Variants in NKAIN3 observed in about 807,000 individuals in gnomAD.
NKAIN3 encodes the protein sodium/potassium-transporting ATPase subunit beta-1-interacting protein 3.
In NKAIN3, 25 loss-of-function variants were observed where a neutral mutation model predicts 30.2. The observed-to-expected ratio is 0.83, with a 90% CI of 0.60 to 1.16. The LOEUF is 1.16. NKAIN3 is among the 50% of genes most tolerant of loss of function. The pLI is 0.00. For missense variants in NKAIN3, 225 were observed against 254.1 expected, an observed-to-expected ratio of 0.89 and a Z score of 0.78; for synonymous variants, 91 against 89.6, an observed-to-expected ratio of 1.02 and a Z score of -0.09.
chr8:62,676,631 A>G (rs1195485378), intron 3 of NKAIN3, among the ~76,000 whole-genome samples: 1 of 152,206 alleles, frequency 6.6e-6, no homozygotes, highest in Admixed American at 6.5e-5. Flanking sequence ...TTTAAAAACT[A>G]AAAATATCTC....
intron 1 of NKAIN3, among the ~76,000 whole-genome samples, chr8:62,541,669 A>G (rs913885893): frequency 6.6e-6 from 1 of 151,800 alleles, no homozygotes; most frequent in Admixed American, 6.6e-5. Context: ...TTTGCTTTTA[A>G]TTCTATTTTC....
intron 1 of NKAIN3, among the ~76,000 whole-genome samples, chr8:62,323,151 C>T (rs931216555): frequency 6.6e-6 from 1 of 152,184 alleles, no homozygotes; most frequent in Non-Finnish European, 1.5e-5. Context: ...ATGCTCTTAT[C>T]TTATGACTCA....
intron 5 of NKAIN3, chr8:62,991,094 GAAA>G (rs1824309670): frequency 6.6e-6 from 1 of 152,274 alleles, no homozygotes; most frequent in East Asian, 1.9e-4. Flanking sequence ...CATGAGATGG[GAAA>G]GAGGTGAACA....
At chr8:62,438,957 G>A in intron 1 of NKAIN3, among the ~76,000 whole-genome samples, 1 of 152,176 alleles carries the variant, frequency 6.6e-6, no homozygotes, top group East Asian at 1.9e-4. Context: ...AGCAATGCTG[G>A]TGTTGGGAAA....
chr8:62,414,522 C>T (rs765782074), intron 1 of NKAIN3, among the ~76,000 whole-genome samples: 10 of 152,078 alleles, frequency 6.6e-5, no homozygotes, highest in African/African-American at 1.9e-4. Context: ...GGCGTTAATG[C>T]CGAAGATCTG....
chr8:62,803,114 C>T (rs1478638632), intron 4 of NKAIN3, among the ~76,000 whole-genome samples: 2 of 152,158 alleles, frequency 1.3e-5, no homozygotes, highest in Non-Finnish European at 2.9e-5. Flanking sequence ...ATTCATAAAG[C>T]AAGTCCTGAG....
Position 62,859,508 on chromosome 8 carries a change from T to TAAAAA in NKAIN3, c.472-58936_472-58932dup, listed in dbSNP as rs531859546. Among the ~76,000 whole-genome samples, 61 of 60,434 alleles carry TAAAAA rather than the reference T, an allele frequency of 1.0e-3. 12 individuals carry two copies. Among genetic ancestry groups the TAAAAA allele is most frequent in the African/African-American group, 2.1e-3 (38 of 17,952 alleles). The allele number at this position is 60,434 out of a possible 152,430, so 39.6% of individuals were successfully genotyped here. A position where few individuals can be genotyped will look rare whatever the true frequency, so the allele number is the denominator to read the frequency against. On this transcript the variant is annotated intron_variant, in intron 4 of 6. Transcript: ENST00000623646. The stretch of plus-strand genomic sequence containing the variant: ...ACTTTTTCTATACTCTTACTTCAAC[T>TAAAAA]AAAAAAAAAAAAACTTCATGGAAGT...
intron 2 of NKAIN3, among the ~76,000 whole-genome samples, chr8:62,587,366 A>G (rs1390668671): frequency 6.6e-6 from 1 of 152,040 alleles, no homozygotes; most frequent in African/African-American, 2.4e-5. Context: ...CAAACAACAC[A>G]AGAATTCCAT....
At position 62,357,037 on chromosome 8, in the gene NKAIN3, G is replaced by A. The variant is rs576704113; in HGVS notation, c.54+107910G>A. Among the ~76,000 whole-genome samples the A allele has an allele frequency of 2.0e-5, 3 of 152,272 alleles. No individual in the cohort carries two copies. The South Asian group carries it at 6.2e-4, about 32-fold the overall frequency. ...GAATTGCTTGAGACTGGCAGGTTGA[G>A]GCTGCAGTAAACTGAAATCATGCCA... On this transcript the variant is annotated intron_variant, in intron 1 of 6. Transcript: ENST00000623646.
chr8:62,667,855 C>G (rs928422546), intron 3 of NKAIN3, among the ~76,000 whole-genome samples: 5 of 152,162 alleles, frequency 3.3e-5, no homozygotes, highest in African/African-American at 4.8e-5. Context: ...CTTTTACAAT[C>G]ATCCACCCAC....
intron 1 of NKAIN3, among the ~76,000 whole-genome samples, chr8:62,270,892 C>T (rs1269474583): frequency 6.6e-6 from 1 of 152,130 alleles, no homozygotes; most frequent in African/African-American, 2.4e-5. Context: ...GAAGGGTTGG[C>T]TCAATTGAAG....
intron 2 of NKAIN3, among the ~76,000 whole-genome samples, chr8:62,580,765 T>C (rs1810261940): frequency 1.3e-5 from 2 of 151,966 alleles, no homozygotes; most frequent in South Asian, 2.1e-4. Flanking sequence ...GCTGCCAGGG[T>C]TAAACAATTT....
intron 3 of NKAIN3, among the ~76,000 whole-genome samples, chr8:62,632,625 CCCGAGTAGCTGGGATTACAG>C (rs1811995210): frequency 6.6e-6 from 1 of 152,148 alleles, no homozygotes; most frequent in South Asian, 2.1e-4. Flanking sequence ...TCCTCAGCCT[CCCGAGTAGCTGGGATTACAG>C]CCGTGTGCCA....
At chr8:62,482,662 G>C (rs1806761888) in intron 1 of NKAIN3, 2 of 152,294 alleles carry the variant, frequency 1.3e-5, no homozygotes, top group Non-Finnish European at 2.9e-5. Flanking sequence ...TTTCTGGTGA[G>C]AGATTCATCA....
At chr8:62,605,781 A>G (rs958885255) in intron 3 of NKAIN3, among the ~76,000 whole-genome samples, 2 of 152,076 alleles carry the variant, frequency 1.3e-5, no homozygotes, top group African/African-American at 2.4e-5. Flanking sequence ...CAGGGATTTG[A>G]GCACCCTCAG....
At chr8:62,329,388 T>C (rs1340576579) in intron 1 of NKAIN3, among the ~76,000 whole-genome samples, 1 of 152,162 alleles carries the variant, frequency 6.6e-6, no homozygotes, top group Non-Finnish European at 1.5e-5. Flanking sequence ...GCAGGTTTGT[T>C]ACATGGATAA....
chr8:62,962,455 G>A (rs1041955069), intron 6 of NKAIN3, among the ~76,000 whole-genome samples: 2 of 152,190 alleles, frequency 1.3e-5, no homozygotes, highest in African/African-American at 4.8e-5. Flanking sequence ...TGTCAATTTT[G>A]ATAGGTATGC....
intron 1 of NKAIN3, among the ~76,000 whole-genome samples, chr8:62,378,200 G>T (rs1257850340): frequency 6.6e-6 from 1 of 152,210 alleles, no homozygotes; most frequent in Non-Finnish European, 1.5e-5. Flanking sequence ...GCAGCATTTT[G>T]CCTCTGCCCT....
chr8:62,732,504 A>G (rs1467709755), intron 3 of NKAIN3, among the ~76,000 whole-genome samples: 1 of 152,076 alleles, frequency 6.6e-6, no homozygotes, highest in African/African-American at 2.4e-5. Flanking sequence ...GTGTAATTTT[A>G]TAATGTATAA....
Sources: gnomAD v4.1 joint callset for allele counts (sites outside exome capture counted in the v4.1 genomes callset) on GRCh38, gnomAD v4.1.1 for gene constraint, MANE v1.5 for transcripts, NCBI Gene and HGNC (gene_info 2026-07-23, HGNC 2026-07-21) for gene names.